OLIG3: variants seen among roughly 807,000 people sequenced by gnomAD.
OLIG3 encodes the protein oligodendrocyte transcription factor 3.
A neutral mutation model predicts 14.7 loss-of-function variants in OLIG3; 12 were observed. The observed-to-expected ratio is 0.82, with a 90% CI of 0.52 to 1.32. OLIG3 has a LOEUF of 1.32. Among genes scored for constraint, OLIG3 ranks in the 40% most tolerant of loss-of-function variants. The pLI, the probability that OLIG3 is intolerant of heterozygous loss-of-function variation, is 0.00. For synonymous variants in OLIG3, 192 were observed against 171.4 expected (o/e 1.12, Z -0.94); for missense variants, 405 against 373.7 (o/e 1.08, Z -0.69).
rs1235553065 is a variant in OLIG3 at position 137,493,177 on chromosome 6, T to C, written c.*175A>G. On this transcript the variant is annotated 3_prime_UTR_variant, in exon 1 of 1. Coordinates refer to ENST00000367734, the MANE Select transcript of OLIG3 (RefSeq NM_175747.2). The surrounding 1 kb of genome is among the most constrained non-coding windows in gnomAD (Gnocchi z 6.1). ...GAAATTGCGGTTTGATTTTGGTCCT[T>C]TCCCTCCGGGGGTCAAGTGGAGTCT... 3 of 557,844 alleles carry C rather than the reference T, an allele frequency of 5.4e-6. No homozygotes were observed. The highest frequency in any genetic ancestry group is 2.0e-5 in the African/African-American group (1 of 49,654). 34.6% of individuals were successfully genotyped at this position (557,844 alleles called of 1,614,324 possible). A position where few individuals can be genotyped will look rare whatever the true frequency, so the allele number is the denominator to read the frequency against.
Position 137,493,527 on chromosome 6 carries a change from A to G in OLIG3, c.644T>C (p.Leu215Pro). 1 of 1,578,372 alleles carries G rather than the reference A, an allele frequency of 6.3e-7. No individual in the cohort carries two copies. The highest frequency in any genetic ancestry group is 8.6e-7 in the Non-Finnish European group (1 of 1,164,470). ...AIGTIRPPHS[L>P]LKAPSTPPAL... ...GGGCGGCGTGGAGGGCGCCTTGAGT[A>G]GCGAGTGGGGAGGCCGGATGGTGCC... The change falls in exon 1 of 1, where the codon CTA (leucine) becomes CCA (proline). Residue 215 changes from leucine (L) to proline (P), a missense_variant. Physicochemically the swap from Leu to Pro is moderately conservative, Grantham distance 98. Transcript: ENST00000367734. The surrounding 1 kb of genome is among the most constrained non-coding windows in gnomAD (Gnocchi z 6.1).
rs1169938776 is a variant in OLIG3, at chr6:137,493,181, C to G, written c.*171G>C. On this transcript the variant is annotated 3_prime_UTR_variant, in exon 1 of 1. Transcript: ENST00000367734. The surrounding 1 kb of genome is among the most constrained non-coding windows in gnomAD (Gnocchi z 6.1). ...TTGCGGTTTGATTTTGGTCCTTTCCCTCCGGGGGTCAAGTGGAGTCTGAGA... is the reference window on the plus strand; with the variant it reads ...TTGCGGTTTGATTTTGGTCCTTTCCGTCCGGGGGTCAAGTGGAGTCTGAGA... The G allele has an allele frequency of 1.8e-6, 1 of 567,446 alleles. No individual in the cohort carries two copies. Among genetic ancestry groups the G allele is most frequent in the Non-Finnish European group, 3.0e-6 (1 of 338,646 alleles). 35.2% of individuals were successfully genotyped at this position (567,446 alleles called of 1,614,324 possible).
Position 137,494,201 on chromosome 6 carries a change from G to A in OLIG3, c.-31C>T, listed in dbSNP as rs778597260. On this transcript the variant is annotated 5_prime_UTR_variant, in exon 1 of 1. Transcript: ENST00000367734. ...TACAGGGGATGCGGCCCTACCGTGGGGAGGCTTTAGGCGGGAAATTAAAGA... is the reference window on the plus strand; with the variant it reads ...TACAGGGGATGCGGCCCTACCGTGGAGAGGCTTTAGGCGGGAAATTAAAGA... 1 of 1,544,700 alleles carries A rather than the reference G, an allele frequency of 6.5e-7. No homozygotes were observed. Among genetic ancestry groups the A allele is most frequent in the Non-Finnish European group, 8.8e-7 (1 of 1,140,554 alleles).
In OLIG3 at chr6:137,494,187, C is replaced by A. The variant is rs1783164949; in HGVS notation, c.-17G>T. 2 of 1,590,404 alleles carry A rather than the reference C, an allele frequency of 1.3e-6. No homozygotes were observed. The highest frequency in any genetic ancestry group is 1.7e-5 in the Admixed American group (1 of 57,820). On this transcript the variant is annotated 5_prime_UTR_variant, in exon 1 of 1. Coordinates refer to ENST00000367734, the MANE Select transcript of OLIG3 (RefSeq NM_175747.2). ...AGAATTCATTTTATTACAGGGGATG[C>A]GGCCCTACCGTGGGGAGGCTTTAGG...
At position 137,494,081 on chromosome 6, in the gene OLIG3, G is replaced by A; in HGVS notation, c.90C>T (p.His30=). The change falls in exon 1 of 1, where the codon CAC becomes CAT. Residue 30 remains histidine, a synonymous_variant. Transcript: ENST00000367734. ...AGTTGAGACGGCTCTCCTGGTGGTG[G>A]TGGTGGCGGTGGTGGTGGTCCCTCA... The part of the protein sequence containing the change: ...MYLRDHHHRH[H]HHQESRLNSV... 2 of 1,611,924 alleles carry A rather than the reference G, an allele frequency of 1.2e-6. No homozygotes were observed. The highest frequency in any genetic ancestry group is 1.7e-6 in the Non-Finnish European group (2 of 1,179,966).
Position 137,493,425 on chromosome 6 carries a change from G to A in OLIG3, c.746C>T (p.Pro249Leu). The A allele has an allele frequency of 6.3e-7, 1 of 1,588,664 alleles. No homozygotes were observed. The highest frequency in any genetic ancestry group is 8.5e-7 in the Non-Finnish European group (1 of 1,173,330). Residue 249 changes from proline (P) to leucine (L), a missense_variant, in exon 1 of 1, where the codon CCG becomes CTG. This residue lies in a region of OLIG3 where 230 missense variants were observed against 178.5 expected (regional missense o/e 1.29). Coordinates refer to ENST00000367734, the MANE Select transcript of OLIG3 (RefSeq NM_175747.2). This position sits in a 1 kb window ranked among gnomAD's most constrained non-coding sequence, Gnocchi z 6.1. ...CPCTICQMPP[P>L]PHLSALSTAN... ...TGTGGAGAGAGCGGACAGGTGCGGCGGCGGCGGCATCTGGCAGATGGTGCA... is the reference window on the plus strand; with the variant it reads ...TGTGGAGAGAGCGGACAGGTGCGGCAGCGGCGGCATCTGGCAGATGGTGCA...
Position 137,493,133 on chromosome 6 carries a change from C to T in OLIG3, c.*219G>A, listed in dbSNP as rs1582753561. The T allele has an allele frequency of 1.9e-6, 1 of 529,068 alleles. No homozygotes were observed. The highest frequency in any genetic ancestry group is 3.8e-5 in the Admixed American group (1 of 26,326). The allele number at this position is 529,068 out of a possible 1,614,324, so 32.8% of individuals were successfully genotyped here. On this transcript the variant is annotated 3_prime_UTR_variant, in exon 1 of 1. Coordinates refer to ENST00000367734, the MANE Select transcript of OLIG3 (RefSeq NM_175747.2). The surrounding 1 kb of genome is among the most constrained non-coding windows in gnomAD (Gnocchi z 6.1). ...AAAACACACGACATCTGGTTCGAGT[C>T]CCCCTTTGCTACCACCTAGAAATTG...
rs746413898 is a variant in OLIG3 at position 137,493,565 on chromosome 6, T to G, written c.606A>C (p.Ser202=). The G allele has an allele frequency of 2.5e-6, 4 of 1,588,252 alleles. No individual in the cohort carries two copies. The South Asian group carries it at 4.5e-5, about 18-fold the overall frequency. The change falls in exon 1 of 1, where the codon TCA becomes TCC. Residue 202 remains serine (S), a synonymous_variant. Transcript: ENST00000367734. The surrounding 1 kb of genome is among the most constrained non-coding windows in gnomAD (Gnocchi z 6.1). ...GNASSPLSAA[S]LPAIGTIRPP... The stretch of plus-strand genomic sequence containing the variant: ...GCCGGATGGTGCCGATGGCGGGAAG[T>G]GAGGCGGCGGACAGCGGTGACGAGG...
chr6:137,494,173 T>C lies in OLIG3; in HGVS notation c.-3A>G, dbSNP rs189730400. The C allele has an allele frequency of 1.3e-5, 21 of 1,610,872 alleles. No homozygotes were observed. In the East Asian group the frequency reaches 4.0e-4, roughly 31 times the overall value. On this transcript the variant is annotated 5_prime_UTR_variant, in exon 1 of 1. The change creates a new upstream start codon in the 5' untranslated region. Coordinates refer to ENST00000367734, the MANE Select transcript of OLIG3 (RefSeq NM_175747.2). ...ACAGAGCTCGAATCAGAATTCATTT[T>C]ATTACAGGGGATGCGGCCCTACCGT... is the stretch of plus-strand genomic sequence containing the variant.
Position 137,493,670 on chromosome 6 carries a change from C to T in OLIG3, c.501G>A (p.Ser167=), listed in dbSNP as rs571723366. Residue 167 remains serine (S), a synonymous_variant, in exon 1 of 1, where the codon TCG becomes TCA. Transcript: ENST00000367734. The surrounding 1 kb of genome is among the most constrained non-coding windows in gnomAD (Gnocchi z 6.1). ...TGGCCGCGTGCGCGGGGTGGCCGGC[C>T]GAGTGGCCCACGGTCCCGCAGTGAA... The part of the protein sequence containing the change: ...SAFHCGTVGH[S]AGHPAHAANS... 8.7e-6 allele frequency: 14 copies of T among 1,610,060 alleles called. No homozygotes were observed. The highest frequency in any genetic ancestry group is 8.5e-6 in the Non-Finnish European group (10 of 1,179,686).
rs1232047330 is a variant in OLIG3 at position 137,492,223 on chromosome 6, T to C, written c.*1129A>G. 1 of 152,798 alleles carries C rather than the reference T, an allele frequency of 6.5e-6. No homozygotes were observed. Among genetic ancestry groups the C allele is most frequent in the African/African-American group, 2.4e-5 (1 of 41,452 alleles). 9.5% of individuals were successfully genotyped at this position (152,798 alleles called of 1,614,324 possible). ...CCACGATTTAAAGGTTCTTTTTTAT[T>C]TGAAATCTCATCCAGAAACACTGGT... On this transcript the variant is annotated 3_prime_UTR_variant, in exon 1 of 1. Coordinates refer to ENST00000367734, the MANE Select transcript of OLIG3 (RefSeq NM_175747.2).
In OLIG3 at chr6:137,494,032, T is replaced by C. The variant is rs1254898471; in HGVS notation, c.139A>G (p.Met47Val). 4.3e-6 allele frequency: 7 copies of C among 1,612,714 alleles called. No homozygotes were observed. Among genetic ancestry groups the C allele is most frequent in the South Asian group, 3.3e-5 (3 of 91,080 alleles). Residue 47 changes from methionine to valine, a missense_variant, in exon 1 of 1, where the codon ATG becomes GTG. This residue lies in a region of OLIG3 where 165 missense variants were observed against 165.5 expected (regional missense o/e 1.00). Coordinates refer to ENST00000367734, the MANE Select transcript of OLIG3 (RefSeq NM_175747.2). ...LNSVSSTQGD[M>V]MQKMPGESLS... is the part of the protein sequence containing the mutation. ...CTTTCCCCGGGCATCTTCTGCATCA[T>C]ATCGCCCTGCGTGGACGAGACCGAG... is the stretch of plus-strand genomic sequence containing the variant.
rs761198505 is a variant in OLIG3 at position 137,493,829 on chromosome 6, A to G, written c.342T>C (p.His114=). 2.5e-6 allele frequency: 4 copies of G among 1,614,202 alleles called. No homozygotes were observed. Among genetic ancestry groups the G allele is most frequent in the Non-Finnish European group, 3.4e-6 (4 of 1,180,032 alleles). ...TGGAGAGCTTGCGCACCGACGGCCCATGCGCGTAGGGCATGACTTCGCGCA... is the reference window on the plus strand; with the variant it reads ...TGGAGAGCTTGCGCACCGACGGCCCGTGCGCGTAGGGCATGACTTCGCGCA... ...DGLREVMPYA[H]GPSVRKLSKI... Residue 114 remains histidine, a synonymous_variant, in exon 1 of 1, where the codon CAT becomes CAC. Coordinates refer to ENST00000367734, the MANE Select transcript of OLIG3 (RefSeq NM_175747.2). This position sits in a 1 kb window ranked among gnomAD's most constrained non-coding sequence, Gnocchi z 6.1.
rs951037964 is a variant in OLIG3 at position 137,493,689 on chromosome 6, C to T, written c.482G>A (p.Cys161Tyr). ...IYGGHHSAFH[C>Y]GTVGHSAGHP... Reference sequence around the variant, plus strand: ...GCCGGCCGAGTGGCCCACGGTCCCGCAGTGAAAGGCCGAGTGGTGGCCCCC... The same window carrying T: ...GCCGGCCGAGTGGCCCACGGTCCCGTAGTGAAAGGCCGAGTGGTGGCCCCC... Residue 161 changes from cysteine to tyrosine, a missense_variant, in exon 1 of 1, where the codon TGC (cysteine) becomes TAC (tyrosine). Coordinates refer to ENST00000367734, the MANE Select transcript of OLIG3 (RefSeq NM_175747.2). This position sits in a 1 kb window ranked among gnomAD's most constrained non-coding sequence, Gnocchi z 6.1. 6.2e-7 allele frequency: 1 copy of T among 1,611,976 alleles called. No individual in the cohort carries two copies. The highest frequency in any genetic ancestry group is 1.7e-5 in the Admixed American group (1 of 60,020).
At position 137,493,820 on chromosome 6, in the gene OLIG3, C is replaced by T. The variant is rs760564562; in HGVS notation, c.351G>A (p.Ser117=). The change falls in exon 1 of 1, where the codon TCG becomes TCA. Residue 117 remains serine, a synonymous_variant. Coordinates refer to ENST00000367734, the MANE Select transcript of OLIG3 (RefSeq NM_175747.2). The surrounding 1 kb of genome is among the most constrained non-coding windows in gnomAD (Gnocchi z 6.1). ...REVMPYAHGP[S]VRKLSKIATL... is the part of the protein sequence containing the mutation. ...TGGCGATCTTGGAGAGCTTGCGCAC[C>T]GACGGCCCATGCGCGTAGGGCATGA... 7.4e-6 allele frequency: 12 copies of T among 1,614,114 alleles called. No homozygotes were observed. Among genetic ancestry groups the T allele is most frequent in the Non-Finnish European group, 1.0e-5 (12 of 1,180,060 alleles).
In OLIG3 at chr6:137,493,755, CTG is replaced by C; in HGVS notation, c.414_415del (p.Ser139LeufsTer202). On this transcript the variant is annotated frameshift_variant, in exon 1 of 1. Coordinates refer to ENST00000367734, the MANE Select transcript of OLIG3 (RefSeq NM_175747.2). LOFTEE classifies it high-confidence loss of function. This position sits in a 1 kb window ranked among gnomAD's most constrained non-coding sequence, Gnocchi z 6.1. Reference sequence around the variant, plus strand: ...CAGCCTCTTCATCTCCTCCAGGGAGCTGGTGAGCATGAGGATGTAGTTTCTGG... The same window carrying C: ...CAGCCTCTTCATCTCCTCCAGGGAGCGTGAGCATGAGGATGTAGTTTCTGG... 6.2e-7 allele frequency: 1 copy of C among 1,614,136 alleles called. No homozygotes were observed.
chr6:137,493,612 C>T lies in OLIG3; in HGVS notation c.559G>A (p.Gly187Ser). Residue 187 changes from glycine (G) to serine (S), a missense_variant, in exon 1 of 1, where the codon GGC becomes AGC. By Grantham distance (56) the Gly-to-Ser change is moderately conservative. This residue lies in a region of OLIG3 where 230 missense variants were observed against 178.5 expected (regional missense o/e 1.29). Coordinates refer to ENST00000367734, the MANE Select transcript of OLIG3 (RefSeq NM_175747.2). The surrounding 1 kb of genome is among the most constrained non-coding windows in gnomAD (Gnocchi z 6.1). ...GAGGCGTTGCCAGATGAGAGCGCGC[C>T]GCCCAAGATGGGGTGCACCGGGTGC... ...SVHPVHPILG[G>S]ALSSGNASSP... 2 of 1,605,088 alleles carry T rather than the reference C, an allele frequency of 1.2e-6. No homozygotes were observed. The highest frequency in any genetic ancestry group is 1.7e-6 in the Non-Finnish European group (2 of 1,177,884).
chr6:137,493,665 C>T lies in OLIG3; in HGVS notation c.506G>A (p.Gly169Asp). The T allele has an allele frequency of 1.2e-6, 2 of 1,609,434 alleles. No homozygotes were observed. The highest frequency in any genetic ancestry group is 1.7e-6 in the Non-Finnish European group (2 of 1,179,498). The stretch of plus-strand genomic sequence containing the variant: ...GGAGTTGGCCGCGTGCGCGGGGTGG[C>T]CGGCCGAGTGGCCCACGGTCCCGCA... ...FHCGTVGHSAGHPAHAANSVH... is the reference protein window; with the variant it reads ...FHCGTVGHSADHPAHAANSVH... The change falls in exon 1 of 1, where the codon GGC becomes GAC. Residue 169 changes from glycine (G) to aspartate (D), a missense_variant. Gly to Asp is a moderately conservative substitution (Grantham distance 94). Around this residue, in one of 3 missense-constraint regions of OLIG3, gnomAD observed 230 missense variants for 178.5 expected, o/e 1.29. Transcript: ENST00000367734. The surrounding 1 kb of genome is among the most constrained non-coding windows in gnomAD (Gnocchi z 6.1).
Position 137,493,561 on chromosome 6 carries a change from G to T in OLIG3, c.610C>A (p.Pro204Thr). 1 of 1,588,228 alleles carries T rather than the reference G, an allele frequency of 6.3e-7. No individual in the cohort carries two copies. Among genetic ancestry groups the T allele is most frequent in the South Asian group, 1.1e-5 (1 of 88,332 alleles). Residue 204 changes from proline (P) to threonine (T), a missense_variant, in exon 1 of 1, where the codon CCC becomes ACC. By Grantham distance (38) the Pro-to-Thr change is conservative. This residue lies in a region of OLIG3 where 230 missense variants were observed against 178.5 expected (regional missense o/e 1.29). Coordinates refer to ENST00000367734, the MANE Select transcript of OLIG3 (RefSeq NM_175747.2). This position sits in a 1 kb window ranked among gnomAD's most constrained non-coding sequence, Gnocchi z 6.1. Reference sequence around the variant, plus strand: ...GGAGGCCGGATGGTGCCGATGGCGGGAAGTGAGGCGGCGGACAGCGGTGAC... The same window carrying T: ...GGAGGCCGGATGGTGCCGATGGCGGTAAGTGAGGCGGCGGACAGCGGTGAC... The part of the protein sequence containing the change: ...ASSPLSAASL[P>T]AIGTIRPPHS...
Sources: allele counts gnomAD v4.1 joint callset, GRCh38; gene constraint gnomAD v4.1.1; regional missense constraint gnomAD v4.1.1; non-coding constraint Gnocchi (gnomAD v3.1); transcripts MANE v1.5; gene names NCBI Gene and HGNC (gene_info 2026-07-23, HGNC 2026-07-21).